The following DMRT1 variants were observed in gnomAD, a reference collection of about 807,000 sequenced individuals.
DMRT1 encodes doublesex and mab-3 related transcription factor 1, also known as doublesex- and mab-3-related transcription factor 1.
A neutral mutation model predicts 32.3 loss-of-function variants in DMRT1; 7 were observed. That is an observed-to-expected ratio of 0.22 (90% confidence interval 0.12 to 0.41). DMRT1 has a LOEUF of 0.41. DMRT1 is among the 10% of genes least tolerant of loss of function. The probability of loss-of-function intolerance (pLI) is 1.00; values close to 1 mark genes in which losing one functional copy is unlikely to be tolerated. For missense variants in DMRT1, 625 were observed against 500.5 expected (o/e 1.25, Z -2.37); for synonymous variants, 278 against 206.1 (o/e 1.35, Z -2.99).
intron 2 of DMRT1, among the ~76,000 whole-genome samples, chr9:876,636 T>A (rs1816511292): frequency 6.6e-6 from 1 of 151,884 alleles, no homozygotes; most frequent in Non-Finnish European, 1.5e-5. Flanking sequence ...GCTCAAGTGA[T>A]CCTTCCCCAC....
At chr9:952,863 G>A (rs897425249) in intron 4 of DMRT1, among the ~76,000 whole-genome samples, 3 of 152,138 alleles carry the variant, frequency 2.0e-5, no homozygotes, top group East Asian at 1.9e-4. Context: ...ATTATATTGT[G>A]ACCAAATGTT....
At chr9:939,932 A>G (rs1204152460) in intron 4 of DMRT1, among the ~76,000 whole-genome samples, 2 of 152,230 alleles carry the variant, frequency 1.3e-5, no homozygotes, top group Admixed American at 6.5e-5. Context: ...AAGACGATAC[A>G]TAAATGGCCA....
At chr9:916,938 G>C in intron 4 of DMRT1, 31 bp downstream of exon 4, 1 of 1,613,946 alleles carries the variant, frequency 6.2e-7, no homozygotes, top group Non-Finnish European at 8.5e-7. Context: ...ACTGGATTTG[G>C]GGTTGAGAGA....
intron 2 of DMRT1, among the ~76,000 whole-genome samples, chr9:858,870 A>AAAAAAATATATAT (rs1815525305): frequency 8.3e-5 from 4 of 48,074 alleles, no homozygotes; most frequent in African/African-American, 3.3e-4. Context: ...AAAAAAAAAA[A>AAAAAAATATATAT]ATATATATAT....
chr9:957,785 G>A (rs762248894), intron 4 of DMRT1, among the ~76,000 whole-genome samples: 2 of 152,176 alleles, frequency 1.3e-5, no homozygotes, highest in African/African-American at 2.4e-5. Flanking sequence ...TGAGGCAGGT[G>A]GATCACCTGA....
chr9:891,228 C>T (rs1011484888), intron 2 of DMRT1, among the ~76,000 whole-genome samples: 2 of 150,620 alleles, frequency 1.3e-5, no homozygotes, highest in Non-Finnish European at 3.0e-5. Context: ...ATTCAGATTG[C>T]TTGAGCTCAG....
rs147580137 is a variant in DMRT1, at chr9:931,174, G to A, written c.967+14267G>A. On this transcript the variant is annotated intron_variant, in intron 4 of 4. Coordinates refer to ENST00000382276, the MANE Select transcript of DMRT1 (RefSeq NM_021951.3). The stretch of plus-strand genomic sequence containing the variant: ...CATAATATTTTCTGGGTTTATCCAT[G>A]TTGTAGCATGTTTCAGAGCTTCATT... Among the ~76,000 whole-genome samples, 12 of 152,314 alleles carry A rather than the reference G, an allele frequency of 7.9e-5. 1 individual carries two copies. In the East Asian group the frequency reaches 2.3e-3, roughly 29 times the overall value.
chr9:920,890 G>T (rs780039022), intron 4 of DMRT1, among the ~76,000 whole-genome samples: 7 of 152,132 alleles, frequency 4.6e-5, no homozygotes, highest in Non-Finnish European at 1.0e-4. Context: ...TCTAAGAGGG[G>T]AGATAAGAAA....
intron 4 of DMRT1, among the ~76,000 whole-genome samples, chr9:937,104 C>A (rs565812756): frequency 6.6e-6 from 1 of 152,268 alleles, no homozygotes; most frequent in East Asian, 1.9e-4. Context: ...CCATATTTGT[C>A]CTTTTGCATC....
chr9:851,513 C>T lies in DMRT1; in HGVS notation c.538+4370C>T, dbSNP rs568160731. Among the ~76,000 whole-genome samples, 11 of 152,296 alleles carry T rather than the reference C, an allele frequency of 7.2e-5. No individual in the cohort carries two copies. The South Asian group carries it at 1.9e-3, about 26-fold the overall frequency. ...TCGGCCTCCCAAAGTGCTGGGATTA[C>T]AGGCGTGAGCCACTGCATCTGGCCT... On this transcript the variant is annotated intron_variant, in intron 2 of 4. Transcript: ENST00000382276.
intron 2 of DMRT1, among the ~76,000 whole-genome samples, chr9:864,735 T>TG (rs904513407): frequency 6.8e-6 from 1 of 146,856 alleles, no homozygotes; most frequent in African/African-American, 2.5e-5. Flanking sequence ...CTCCTAACCT[T>TG]GCGATCCGCC....
chr9:901,911 CTTTTTTTTTT>C (rs34006231), intron 3 of DMRT1, among the ~76,000 whole-genome samples: 2 of 114,308 alleles, frequency 1.7e-5, no homozygotes, highest in African/African-American at 6.6e-5. Flanking sequence ...GAAACTAGCC[CTTTTTTTTTT>C]TTTTTTTTTG....
chr9:864,541 C>T (rs1815879395), intron 2 of DMRT1, among the ~76,000 whole-genome samples: 1 of 144,566 alleles, frequency 6.9e-6, no homozygotes, highest in South Asian at 2.2e-4. Context: ...CTCTGTCGCC[C>T]AGGCTGGAGT....
intron 3 of DMRT1, among the ~76,000 whole-genome samples, chr9:914,624 A>G (rs2129761690): frequency 6.6e-6 from 1 of 151,948 alleles, no homozygotes; most frequent in East Asian, 1.9e-4. Context: ...GAAAGTGAAA[A>G]CGGAGTGATT....
At chr9:940,214 T>C (rs1289839570) in intron 4 of DMRT1, among the ~76,000 whole-genome samples, 3 of 152,066 alleles carry the variant, frequency 2.0e-5, no homozygotes, top group Admixed American at 1.3e-4. Context: ...CTTCTAGATA[T>C]ATATCCAGAA....
chr9:903,182 T>C (rs1817652733), intron 3 of DMRT1, among the ~76,000 whole-genome samples: 1 of 152,216 alleles, frequency 6.6e-6, no homozygotes, highest in African/African-American at 2.4e-5. Context: ...CTCTTGGGTC[T>C]TTACAACATA....
At chr9:899,085 A>G (rs1412300835) in intron 3 of DMRT1, among the ~76,000 whole-genome samples, 2 of 152,068 alleles carry the variant, frequency 1.3e-5, no homozygotes, top group East Asian at 1.9e-4. Flanking sequence ...ATGCTAACTA[A>G]TTTTTGTATG....
At chr9:842,230 GTTTTTTT>G (rs780064237) in intron 1 of DMRT1, 38 bp downstream of exon 1, 43 of 1,267,042 alleles carry the variant, frequency 3.4e-5, no homozygotes, top group Middle Eastern at 2.9e-4. Context: ...TTCAGCCTTA[GTTTTTTT>G]TTTTTTTTTT....
intron 4 of DMRT1, among the ~76,000 whole-genome samples, chr9:930,230 T>C (rs983699190): frequency 2.6e-5 from 4 of 152,084 alleles, no homozygotes; most frequent in African/African-American, 9.7e-5. Flanking sequence ...TTTGTTTTTT[T>C]AGAGACAGGG....
Sources: gnomAD v4.1 joint callset for allele counts (sites outside exome capture counted in the v4.1 genomes callset) on GRCh38, gnomAD v4.1.1 for gene constraint, MANE v1.5 for transcripts, NCBI Gene and HGNC (gene_info 2026-07-23, HGNC 2026-07-21) for gene names.